KCNH5: variants seen among roughly 807,000 people sequenced by gnomAD.
The protein encoded by KCNH5 is potassium voltage-gated channel subfamily H member 5, also known as voltage-gated delayed rectifier potassium channel KCNH5.
KCNH5 carries 46 observed loss-of-function variants against 96.1 expected under a neutral mutation model. That is an observed-to-expected ratio of 0.48 (90% CI 0.38 to 0.61). KCNH5 has a LOEUF of 0.61. KCNH5 is among the 20% of genes least tolerant of loss of function. The pLI is 0.00. For missense variants in KCNH5, 907 were observed against 1,225.8 expected, an observed-to-expected ratio of 0.74 and a Z score of 3.88; for synonymous variants, 439 against 449.8, an observed-to-expected ratio of 0.98 and a Z score of 0.30.
At chr14:62,737,420 A>G (rs1885181683) in intron 10 of KCNH5, among the ~76,000 whole-genome samples, 1 of 152,164 alleles carries the variant, frequency 6.6e-6, no homozygotes, top group African/African-American at 2.4e-5. Context: ...CCTGGGTTCT[A>G]TACCCATTGC....
At chr14:62,864,482 G>A (rs1888095948) in intron 7 of KCNH5, among the ~76,000 whole-genome samples, 1 of 152,106 alleles carries the variant, frequency 6.6e-6, no homozygotes, top group Non-Finnish European at 1.5e-5. Context: ...AAAATGGATA[G>A]TGAATTTTGC....
At chr14:62,855,362 T>A (rs1445367746) in intron 7 of KCNH5, among the ~76,000 whole-genome samples, 1 of 152,220 alleles carries the variant, frequency 6.6e-6, no homozygotes, top group Non-Finnish European at 1.5e-5. Flanking sequence ...TGATTGTATG[T>A]GCAGGATACA....
intron 4 of KCNH5, among the ~76,000 whole-genome samples, chr14:62,992,894 C>A (rs1367503152): frequency 6.6e-6 from 1 of 151,950 alleles, no homozygotes; most frequent in Non-Finnish European, 1.5e-5. Context: ...TTGCCTACAC[C>A]AATGTCCAGA....
intron 7 of KCNH5, among the ~76,000 whole-genome samples, chr14:62,879,535 G>A (rs920677648): frequency 5.9e-5 from 9 of 152,086 alleles, no homozygotes; most frequent in African/African-American, 2.2e-4. Context: ...GTTATTTCCA[G>A]TGTAAAGGTA....
At chr14:62,846,831 G>A (rs1887704734) in intron 8 of KCNH5, among the ~76,000 whole-genome samples, 2 of 106,514 alleles carry the variant, frequency 1.9e-5, no homozygotes, top group African/African-American at 7.6e-5. Context: ...GACAGAGTCT[G>A]GCTCTGCGGC....
chr14:62,994,973 G>A (rs534007950), intron 4 of KCNH5, among the ~76,000 whole-genome samples: 33 of 152,132 alleles, frequency 2.2e-4, no homozygotes, highest in African/African-American at 7.9e-4. Context: ...ATTACCCAGT[G>A]CCAGTAAGAT....
At chr14:62,932,967 G>A (rs1889608806) in intron 7 of KCNH5, among the ~76,000 whole-genome samples, 1 of 152,070 alleles carries the variant, frequency 6.6e-6, no homozygotes, top group Non-Finnish European at 1.5e-5. Flanking sequence ...ACTTTCTCTA[G>A]AGGCTACTAT....
chr14:62,938,553 T>A (rs981213758), intron 7 of KCNH5, among the ~76,000 whole-genome samples: 1 of 152,242 alleles, frequency 6.6e-6, no homozygotes, highest in Non-Finnish European at 1.5e-5. Context: ...TATATTCATC[T>A]ATGAATTTGT....
At chr14:62,791,506 G>T (rs544502030) in intron 9 of KCNH5, among the ~76,000 whole-genome samples, 7 of 151,662 alleles carry the variant, frequency 4.6e-5, no homozygotes, top group Admixed American at 3.9e-4. Flanking sequence ...AAAGAAACAA[G>T]ATCTAACTAT....
chr14:62,821,916 T>C (rs1188878098), intron 8 of KCNH5, among the ~76,000 whole-genome samples: 1 of 152,164 alleles, frequency 6.6e-6, no homozygotes, highest in African/African-American at 2.4e-5. Context: ...AATGTACTGA[T>C]GGTAAGGAAA....
At chr14:62,841,989 G>C (rs1162254185) in intron 8 of KCNH5, among the ~76,000 whole-genome samples, 1 of 152,162 alleles carries the variant, frequency 6.6e-6, no homozygotes, top group South Asian at 2.1e-4. Context: ...AGAGTGATGA[G>C]AAAATGAAAT....
intron 2 of KCNH5, among the ~76,000 whole-genome samples, chr14:63,009,941 CAT>C (rs1891195087): frequency 6.6e-6 from 1 of 152,100 alleles, no homozygotes; most frequent in Admixed American, 6.5e-5. Flanking sequence ...AATAATTTTC[CAT>C]AGTTTTCATA....
intron 8 of KCNH5, among the ~76,000 whole-genome samples, chr14:62,811,220 C>T (rs1886866911): frequency 6.6e-6 from 1 of 152,142 alleles, no homozygotes; most frequent in South Asian, 2.1e-4. Flanking sequence ...CTACAGAACT[C>T]TTAGTGAAAC....
intron 7 of KCNH5, among the ~76,000 whole-genome samples, chr14:62,916,234 G>T (rs1032651413): frequency 1.3e-4 from 20 of 152,140 alleles, no homozygotes; most frequent in African/African-American, 4.8e-4. Flanking sequence ...TTACAGGCGT[G>T]AGCCACCACG....
At chr14:62,929,541 G>A (rs1186549152) in intron 7 of KCNH5, among the ~76,000 whole-genome samples, 1 of 151,966 alleles carries the variant, frequency 6.6e-6, no homozygotes, top group African/African-American at 2.4e-5. Context: ...ACTTCGTCCT[G>A]CACTATTTTC....
intron 1 of KCNH5, among the ~76,000 whole-genome samples, chr14:63,043,356 G>A (rs758405628): frequency 2.0e-5 from 3 of 152,044 alleles, no homozygotes; most frequent in Admixed American, 6.6e-5. Context: ...ACCAAATTGC[G>A]TGAAGTTGAA....
intron 7 of KCNH5, among the ~76,000 whole-genome samples, chr14:62,884,551 G>A (rs938512312): frequency 2.6e-5 from 4 of 152,112 alleles, no homozygotes; most frequent in Admixed American, 6.5e-5. Flanking sequence ...GCTTGAACCC[G>A]GGAGGCGGAG....
chr14:62,806,909 A>G (rs571851530), intron 8 of KCNH5, among the ~76,000 whole-genome samples: 1 of 152,222 alleles, frequency 6.6e-6, no homozygotes, highest in African/African-American at 2.4e-5. Context: ...AGGGTTAGGC[A>G]TGTACAGGAT....
At chr14:62,982,571 G>T (rs1034497941) in intron 5 of KCNH5, among the ~76,000 whole-genome samples, 4 of 152,172 alleles carry the variant, frequency 2.6e-5, no homozygotes, top group Non-Finnish European at 5.9e-5. Flanking sequence ...ATGTAAGAAT[G>T]GATAAAAATA....
Sources: allele counts gnomAD v4.1 joint callset (sites outside exome capture counted in the v4.1 genomes callset), GRCh38; gene constraint gnomAD v4.1.1; transcripts MANE v1.5; gene names NCBI Gene and HGNC (gene_info 2026-07-23, HGNC 2026-07-21).